The following CNTN4 variants were observed in gnomAD, a reference collection of about 807,000 sequenced individuals.
CNTN4 encodes contactin-4.
A neutral mutation model predicts 122.5 loss-of-function variants in CNTN4; 77 were observed. The ratio of observed to expected loss-of-function variants is 0.63; its 90% CI spans 0.52 to 0.76. CNTN4 has a LOEUF of 0.76. Among genes scored for constraint, CNTN4 ranks in the 30% least tolerant of loss-of-function variants. The pLI is 0.00. For synonymous variants in CNTN4, 512 were observed against 447.0 expected (o/e 1.15, Z -1.83); for missense variants, 1,256 against 1,259.1 (o/e 1.00, Z 0.04).
rs1458946078 is a variant in CNTN4 at position 2,368,059 on chromosome 3, G to A, written c.-89+28826G>A. Among the ~76,000 whole-genome samples, 3 of 135,566 alleles carry A rather than the reference G, an allele frequency of 2.2e-5. No homozygotes were observed. In the Admixed American group the frequency reaches 2.3e-4, roughly 11 times the overall value. The allele number at this position is 135,566 out of a possible 152,430, so 88.9% of individuals were successfully genotyped here. On this transcript the variant is annotated intron_variant, in intron 3 of 24. Coordinates refer to ENST00000418658, the MANE Select transcript of CNTN4 (RefSeq NM_175607.3). Reference sequence around the variant, plus strand: ...TTTTTTTTTTTTTTTTTGAGGTGGAGTGTCGCTCTGTCGCCCAGGCTGGAG... The same window carrying A: ...TTTTTTTTTTTTTTTTTGAGGTGGAATGTCGCTCTGTCGCCCAGGCTGGAG...
At chr3:2,494,280 G>A (rs1191133142) in intron 3 of CNTN4, among the ~76,000 whole-genome samples, 1 of 152,164 alleles carries the variant, frequency 6.6e-6, no homozygotes, top group South Asian at 2.1e-4. Flanking sequence ...AGAAGTTACA[G>A]GCAGACATCA....
At chr3:2,447,666 C>T (rs2048674554) in intron 3 of CNTN4, among the ~76,000 whole-genome samples, 1 of 151,926 alleles carries the variant, frequency 6.6e-6, no homozygotes, top group African/African-American at 2.4e-5. Flanking sequence ...GATATATGTA[C>T]ATATTCTGAA....
chr3:2,657,290 C>G (rs1297453723), intron 4 of CNTN4, among the ~76,000 whole-genome samples: 4 of 152,152 alleles, frequency 2.6e-5, no homozygotes, highest in African/African-American at 9.7e-5. Flanking sequence ...ATAATACAGA[C>G]TGTTTGATAA....
chr3:2,291,719 T>C lies in CNTN4; in HGVS notation c.-144-47459T>C, dbSNP rs988936568. ...TGATTTGTTTTGAACTATAATATTTTATTTTATTTTATTTTATTTATTAAC... is the reference window on the plus strand; with the variant it reads ...TGATTTGTTTTGAACTATAATATTTCATTTTATTTTATTTTATTTATTAAC... On this transcript the variant is annotated intron_variant, in intron 2 of 24. Coordinates refer to ENST00000418658, the MANE Select transcript of CNTN4 (RefSeq NM_175607.3). Among the ~76,000 whole-genome samples, 7 of 147,252 alleles carry C rather than the reference T, an allele frequency of 4.8e-5. No individual in the cohort carries two copies. The East Asian group carries it at 1.2e-3, about 24-fold the overall frequency.
rs935406134 is a variant in CNTN4, at chr3:2,164,076, C to G, written c.-145+63437C>G. Among the ~76,000 whole-genome samples, 3 of 151,990 alleles carry G rather than the reference C, an allele frequency of 2.0e-5. No homozygotes were observed. The East Asian group carries it at 5.8e-4, about 29-fold the overall frequency. ...AAGACTACATGTTGGGTACAATGTA[C>G]ACTGCTTGGGTGATGAGTGCACCAA... is the stretch of plus-strand genomic sequence containing the variant. On this transcript the variant is annotated intron_variant, in intron 2 of 24. Transcript: ENST00000418658.
intron 2 of CNTN4, among the ~76,000 whole-genome samples, chr3:2,251,149 C>T (rs2040363056): frequency 6.6e-6 from 1 of 151,866 alleles, no homozygotes; most frequent in South Asian, 2.1e-4. Flanking sequence ...CCTATAAGCT[C>T]TGTTGTTAAT....
At chr3:2,463,140 A>C (rs2049291532) in intron 3 of CNTN4, among the ~76,000 whole-genome samples, 1 of 152,166 alleles carries the variant, frequency 6.6e-6, no homozygotes, top group South Asian at 2.1e-4. Flanking sequence ...TCCAAATACA[A>C]ATGTGAAAAG....
At chr3:2,121,437 G>A (rs2033773844) in intron 2 of CNTN4, among the ~76,000 whole-genome samples, 1 of 151,028 alleles carries the variant, frequency 6.6e-6, no homozygotes, top group Non-Finnish European at 1.5e-5. Context: ...GGTGGAGGTT[G>A]CAGTGAGCCG....
chr3:2,702,885 T>C (rs780389876), intron 4 of CNTN4, among the ~76,000 whole-genome samples: 2 of 152,224 alleles, frequency 1.3e-5, no homozygotes, highest in Non-Finnish European at 2.9e-5. Context: ...CAGCAGTCTC[T>C]TGCCTGACTT....
At chr3:2,944,907 C>T (rs1158620918) in intron 13 of CNTN4, among the ~76,000 whole-genome samples, 2 of 152,062 alleles carry the variant, frequency 1.3e-5, no homozygotes, top group Admixed American at 6.6e-5. Flanking sequence ...TCAGCTAGTC[C>T]CACTGAGAGC....
At chr3:2,659,402 C>T (rs1161863076) in intron 4 of CNTN4, among the ~76,000 whole-genome samples, 5 of 133,938 alleles carry the variant, frequency 3.7e-5, no homozygotes, top group African/African-American at 1.1e-4. Context: ...GTGGAGGTTG[C>T]GGTGAGCCGA....
At chr3:2,671,424 A>G (rs1050984513) in intron 4 of CNTN4, among the ~76,000 whole-genome samples, 2 of 152,120 alleles carry the variant, frequency 1.3e-5, no homozygotes, top group Non-Finnish European at 2.9e-5. Context: ...TTCTCGTGCC[A>G]TGGTTTTCAG....
intron 2 of CNTN4, among the ~76,000 whole-genome samples, chr3:2,243,532 A>C (rs2040021886): frequency 6.6e-6 from 1 of 151,730 alleles, no homozygotes; most frequent in African/African-American, 2.4e-5. Context: ...TTTTTAGCTC[A>C]CCAGCTATCA....
intron 3 of CNTN4, among the ~76,000 whole-genome samples, chr3:2,463,701 G>A (rs765525930): frequency 3.3e-5 from 5 of 152,142 alleles, no homozygotes; most frequent in Non-Finnish European, 5.9e-5. Context: ...GAAGGTTGCA[G>A]TGAGCCAAGA....
At chr3:2,291,470 G>A (rs1022260513) in intron 2 of CNTN4, among the ~76,000 whole-genome samples, 4 of 152,004 alleles carry the variant, frequency 2.6e-5, no homozygotes, top group Non-Finnish European at 4.4e-5. Context: ...GATATTTGAA[G>A]AAAATAAAGT....
intron 3 of CNTN4, among the ~76,000 whole-genome samples, chr3:2,516,322 A>T (rs974935527): frequency 6.6e-6 from 1 of 152,090 alleles, no homozygotes; most frequent in Admixed American, 6.6e-5. Flanking sequence ...TCGTGCATCC[A>T]TCTATGACCA....
chr3:2,625,348 A>G (rs2082143165), intron 4 of CNTN4, among the ~76,000 whole-genome samples: 1 of 152,214 alleles, frequency 6.6e-6, no homozygotes, highest in Non-Finnish European at 1.5e-5. Context: ...TTAGGTCAAT[A>G]TACAAGAATA....
At chr3:2,391,031 C>A (rs566382272) in intron 3 of CNTN4, among the ~76,000 whole-genome samples, 1 of 152,152 alleles carries the variant, frequency 6.6e-6, no homozygotes, top group Non-Finnish European at 1.5e-5. Context: ...GTGTTCCTTG[C>A]AGATTCCAAA....
At chr3:2,837,284 T>C (rs2093248681) in intron 7 of CNTN4, among the ~76,000 whole-genome samples, 1 of 152,216 alleles carries the variant, frequency 6.6e-6, no homozygotes, top group Admixed American at 6.5e-5. Context: ...GACACATTGG[T>C]CTCCTGCAAA....
Sources: allele counts gnomAD v4.1 joint callset (sites outside exome capture counted in the v4.1 genomes callset), GRCh38; gene constraint gnomAD v4.1.1; transcripts MANE v1.5; gene names NCBI Gene and HGNC (gene_info 2026-07-23, HGNC 2026-07-21).